GABRG3: variants seen among roughly 807,000 people sequenced by gnomAD.
The protein encoded by GABRG3 is gamma-aminobutyric acid type A receptor subunit gamma3.
Under a neutral mutation model 48.8 loss-of-function variants are expected in GABRG3, and 25 were observed. That is an observed-to-expected ratio of 0.51 (90% CI 0.37 to 0.72). The LOEUF (loss-of-function observed/expected upper bound fraction) is 0.72, where lower values mean the gene tolerates loss of function less well. Among genes scored for constraint, GABRG3 ranks in the 30% least tolerant of loss-of-function variants. The probability of loss-of-function intolerance (pLI) is 0.00; values close to 1 mark genes in which losing one functional copy is unlikely to be tolerated. For synonymous variants in GABRG3, 227 were observed against 217.6 expected (o/e 1.04, Z -0.38); for missense variants, 394 against 577.9 (o/e 0.68, Z 3.26).
chr15:27,062,643 CAAAG>C (rs1428572599), intron 3 of GABRG3, among the ~76,000 whole-genome samples: 3 of 151,502 alleles, frequency 2.0e-5, no homozygotes, highest in Non-Finnish European at 4.4e-5. Context: ...AAAAAACAAA[CAAAG>C]AAAAATCACT....
chr15:27,525,497 T>C (rs1224246987), intron 7 of GABRG3, among the ~76,000 whole-genome samples: 1 of 152,092 alleles, frequency 6.6e-6, no homozygotes, highest in South Asian at 2.1e-4. Context: ...GCCTAAGGTT[T>C]ATTTTTCTTC....
chr15:27,182,049 A>G (rs1887949242), intron 3 of GABRG3, among the ~76,000 whole-genome samples: 1 of 151,744 alleles, frequency 6.6e-6, no homozygotes, highest in Admixed American at 6.6e-5. Context: ...AACCCCATTG[A>G]GTGTTAGTAG....
At chr15:27,387,534 C>A (rs918917550) in intron 5 of GABRG3, among the ~76,000 whole-genome samples, 1 of 151,922 alleles carries the variant, frequency 6.6e-6, no homozygotes, top group African/African-American at 2.4e-5. Context: ...AGCTTTTTTT[C>A]TGTTAATTCT....
At chr15:27,248,207 G>A (rs907040568) in intron 3 of GABRG3, among the ~76,000 whole-genome samples, 1 of 152,194 alleles carries the variant, frequency 6.6e-6, no homozygotes, top group Admixed American at 6.5e-5. Context: ...TCTTTCACAC[G>A]TGGAAGTGCT....
At chr15:27,235,135 A>G (rs896689808) in intron 3 of GABRG3, among the ~76,000 whole-genome samples, 1 of 152,176 alleles carries the variant, frequency 6.6e-6, no homozygotes, top group African/African-American at 2.4e-5. Flanking sequence ...GATGTCCTAG[A>G]TTTTGTTTTG....
intron 5 of GABRG3, among the ~76,000 whole-genome samples, chr15:27,451,649 A>T (rs1889115506): frequency 6.6e-6 from 1 of 152,166 alleles, no homozygotes; most frequent in Admixed American, 6.5e-5. Context: ...TTAAATATGA[A>T]CCCAAAAGCA....
At chr15:27,138,550 C>T (rs957633782) in intron 3 of GABRG3, among the ~76,000 whole-genome samples, 2 of 152,158 alleles carry the variant, frequency 1.3e-5, no homozygotes, top group East Asian at 3.9e-4. Flanking sequence ...GTTCTGCATG[C>T]GGATTATCCT....
chr15:27,394,847 G>A (rs1160820486), intron 5 of GABRG3, among the ~76,000 whole-genome samples: 1 of 152,046 alleles, frequency 6.6e-6, no homozygotes, highest in Non-Finnish European at 1.5e-5. Context: ...CTTGTACTAT[G>A]AGATTTTTTT....
intron 5 of GABRG3, among the ~76,000 whole-genome samples, chr15:27,383,027 A>G (rs1895823531): frequency 6.6e-6 from 1 of 152,196 alleles, no homozygotes; most frequent in South Asian, 2.1e-4. Flanking sequence ...AACTGGATGA[A>G]ATCACCTAGG....
At chr15:27,231,266 T>TGTAA (rs5811484) in intron 3 of GABRG3, among the ~76,000 whole-genome samples, 27,793 of 152,118 alleles carry the variant, frequency 0.18, 3,545 homozygotes, top group East Asian at 0.41. Context: ...CAAAAAATCC[T>TGTAA]CTAACAGTTC....
chr15:27,347,762 C>G (rs906595836), intron 5 of GABRG3, among the ~76,000 whole-genome samples: 4 of 152,288 alleles, frequency 2.6e-5, no homozygotes, highest in South Asian at 2.1e-4. Flanking sequence ...CCCCTTCACA[C>G]TCAGCCTCCA....
At chr15:27,277,313 C>T (rs1323013519) in intron 3 of GABRG3, among the ~76,000 whole-genome samples, 1 of 152,198 alleles carries the variant, frequency 6.6e-6, no homozygotes, top group Non-Finnish European at 1.5e-5. Context: ...CAGATGGTCA[C>T]CTGCTGTTTT....
At chr15:27,456,932 G>A (rs1889301704) in intron 5 of GABRG3, among the ~76,000 whole-genome samples, 1 of 152,180 alleles carries the variant, frequency 6.6e-6, no homozygotes, top group Non-Finnish European at 1.5e-5. Flanking sequence ...AGATCAAGGA[G>A]CCAGCCCCAA....
At chr15:27,233,749 A>T (rs1595602183) in intron 3 of GABRG3, among the ~76,000 whole-genome samples, 1 of 152,216 alleles carries the variant, frequency 6.6e-6, no homozygotes, top group Non-Finnish European at 1.5e-5. Flanking sequence ...TTTTTCTACA[A>T]AAGATACCAG....
intron 3 of GABRG3, among the ~76,000 whole-genome samples, chr15:27,096,266 C>T (rs982136223): frequency 9.2e-5 from 14 of 152,216 alleles, no homozygotes; most frequent in Admixed American, 7.9e-4. Context: ...GCTGAGGATT[C>T]TGAGTTTCAT....
At chr15:27,510,808 CT>C (rs1263950483) in intron 6 of GABRG3, among the ~76,000 whole-genome samples, 7 of 152,160 alleles carry the variant, frequency 4.6e-5, no homozygotes, top group Non-Finnish European at 1.0e-4. Flanking sequence ...CTATCCGTTA[CT>C]TTACGGTTAA....
chr15:27,460,917 C>T (rs1225283796), intron 5 of GABRG3, among the ~76,000 whole-genome samples: 1 of 152,156 alleles, frequency 6.6e-6, no homozygotes, highest in Non-Finnish European at 1.5e-5. Context: ...TAGCTAGGTG[C>T]CTGGAATATC....
chr15:27,508,946 C>T (rs1423172930), intron 6 of GABRG3, among the ~76,000 whole-genome samples: 1 of 152,072 alleles, frequency 6.6e-6, no homozygotes, highest in Non-Finnish European at 1.5e-5. Context: ...CTTTCAATCT[C>T]CTGACCTCCT....
intron 5 of GABRG3, among the ~76,000 whole-genome samples, chr15:27,391,562 G>A (rs923148615): frequency 6.6e-6 from 1 of 152,162 alleles, no homozygotes; most frequent in East Asian, 1.9e-4. Flanking sequence ...GCAACTGAAA[G>A]TACAGGCCCT....
Sources: gnomAD v4.1 joint callset for allele counts (sites outside exome capture counted in the v4.1 genomes callset) on GRCh38, gnomAD v4.1.1 for gene constraint, MANE v1.5 for transcripts, NCBI Gene and HGNC (gene_info 2026-07-23, HGNC 2026-07-21) for gene names.